Variants in NPSR1 observed in about 807,000 individuals in gnomAD.
NPSR1 encodes neuropeptide S receptor.
A neutral mutation model predicts 46.9 loss-of-function variants in NPSR1; 48 were observed. That is an observed-to-expected ratio of 1.02 (90% CI 0.81 to 1.30). NPSR1 has a LOEUF of 1.30. Ranked by LOEUF, NPSR1 falls within the 50% of genes most tolerant of loss-of-function variation. The pLI is 0.00. For synonymous variants in NPSR1, 176 were observed against 168.1 expected (o/e 1.05, Z -0.36); for missense variants, 450 against 449.5 (o/e 1.00, Z -0.01).
intron 2 of NPSR1, chr7:34,719,723 C>G (rs192123320): frequency 6.6e-6 from 1 of 152,178 alleles, no homozygotes; most frequent in Admixed American, 6.5e-5. Context: ...TTTCCATTCT[C>G]TTATGCAAAA....
intron 2 of NPSR1, among the ~76,000 whole-genome samples, chr7:34,763,112 G>A (rs902250677): frequency 2.6e-5 from 4 of 152,074 alleles, no homozygotes; most frequent in Non-Finnish European, 4.4e-5. Flanking sequence ...ATCTTGCCAG[G>A]CACTATGAAA....
At chr7:34,740,251 C>T (rs1327327648) in intron 2 of NPSR1, among the ~76,000 whole-genome samples, 1 of 152,024 alleles carries the variant, frequency 6.6e-6, no homozygotes, top group Non-Finnish European at 1.5e-5. Context: ...TCACTCCCAC[C>T]ATGCCCCGCC....
chr7:34,831,818 G>A (rs958765852), intron 5 of NPSR1, among the ~76,000 whole-genome samples: 4 of 151,946 alleles, frequency 2.6e-5, no homozygotes, highest in African/African-American at 9.7e-5. Flanking sequence ...GATAAAGATA[G>A]AAGCAGAAGA....
At chr7:34,789,326 A>G (rs892982187) in intron 3 of NPSR1, among the ~76,000 whole-genome samples, 1 of 152,088 alleles carries the variant, frequency 6.6e-6, no homozygotes, top group African/African-American at 2.4e-5. Context: ...GGAGAATAGA[A>G]AAACAATAGA....
chr7:34,870,640 G>T (rs1294633751), intron 8 of NPSR1, among the ~76,000 whole-genome samples: 1 of 151,748 alleles, frequency 6.6e-6, no homozygotes, highest in African/African-American at 2.4e-5. Context: ...TGCCAAACAG[G>T]GAAGATATGA....
In NPSR1 at chr7:34,783,815, T is replaced by A. The variant is rs79663956; in HGVS notation, c.384+5250T>A. On this transcript the variant is annotated intron_variant, in intron 3 of 8. Coordinates refer to ENST00000360581, the MANE Select transcript of NPSR1 (RefSeq NM_207172.2). ...GAGTTATAACAAGGCTAGCAGAAAA[T>A]TTCTCAGCAAAAACCTTGCAGAACA... Among the ~76,000 whole-genome samples, 438 of 151,426 alleles carry A rather than the reference T, an allele frequency of 2.9e-3. 1 individual carries two copies. The highest frequency in any genetic ancestry group is 0.01 in the African/African-American group (418 of 41,260).
chr7:34,703,293 C>T (rs999191236), intron 2 of NPSR1, among the ~76,000 whole-genome samples: 2 of 152,202 alleles, frequency 1.3e-5, no homozygotes, highest in Non-Finnish European at 2.9e-5. Flanking sequence ...ATGGCGTGAA[C>T]CCGGGAAGCG....
At chr7:34,709,673 T>C (rs1041014321) in intron 2 of NPSR1, among the ~76,000 whole-genome samples, 3 of 152,214 alleles carry the variant, frequency 2.0e-5, no homozygotes, top group Non-Finnish European at 4.4e-5. Context: ...AATTTACCAC[T>C]GATTGTTTGC....
chr7:34,689,879 A>C (rs1431034486), intron 2 of NPSR1, among the ~76,000 whole-genome samples: 1 of 151,784 alleles, frequency 6.6e-6, no homozygotes, highest in African/African-American at 2.4e-5. Context: ...CAGAAGGTCA[A>C]GGCAGCAGTG....
chr7:34,872,841 T>C (rs1281565218), intron 8 of NPSR1, among the ~76,000 whole-genome samples: 1 of 151,856 alleles, frequency 6.6e-6, no homozygotes, highest in African/African-American at 2.4e-5. Context: ...AAGATGAGAT[T>C]TGGGTGAGGA....
chr7:34,751,078 C>G (rs1785497456), intron 2 of NPSR1: 3 of 792,140 alleles, frequency 3.8e-6, no homozygotes, highest in African/African-American at 3.4e-5. Context: ...TGCCCCTTTA[C>G]CTTCACCATG....
chr7:34,763,026 A>G (rs1171011061), intron 2 of NPSR1, among the ~76,000 whole-genome samples: 1 of 152,202 alleles, frequency 6.6e-6, no homozygotes, highest in African/African-American at 2.4e-5. Context: ...TACACTAGTG[A>G]CCTTTGTGTT....
intron 4 of NPSR1, 56 bp from the exon 5 acceptor site, chr7:34,827,345 G>T: frequency 7.3e-6 from 11 of 1,496,900 alleles, no homozygotes; most frequent in Non-Finnish European, 1.0e-5. Context: ...AGACTCCATT[G>T]TGCTCCCAAA....
At chr7:34,679,330 G>A (rs1005054766) in intron 1 of NPSR1, among the ~76,000 whole-genome samples, 1 of 152,054 alleles carries the variant, frequency 6.6e-6, no homozygotes, top group Non-Finnish European at 1.5e-5. Context: ...ACTTACAGGA[G>A]AAATACTTGG....
chr7:34,849,770 C>G lies in NPSR1; in HGVS notation c.*115C>G, dbSNP rs1790881011. Reference sequence around the variant, plus strand: ...AACTTCACCCCACCCTCGTCATTACCTGGGAGATGCACAAGACAAATGTTC... The same window carrying G: ...AACTTCACCCCACCCTCGTCATTACGTGGGAGATGCACAAGACAAATGTTC... On this transcript the variant is annotated 3_prime_UTR_variant, in exon 9 of 9. Coordinates refer to ENST00000360581, the MANE Select transcript of NPSR1 (RefSeq NM_207172.2). The G allele has an allele frequency of 6.5e-7, 1 of 1,531,054 alleles. No homozygotes were observed. The highest frequency in any genetic ancestry group is 1.3e-5 in the South Asian group (1 of 78,342). 94.8% of individuals were successfully genotyped at this position (1,531,054 alleles called of 1,614,324 possible).
chr7:34,684,581 C>G lies in NPSR1; in HGVS notation c.177C>G (p.Leu59=). 6.2e-7 allele frequency: 1 copy of G among 1,613,660 alleles called. No homozygotes were observed. The highest frequency in any genetic ancestry group is 8.5e-7 in the Non-Finnish European group (1 of 1,179,832). ...AGCAATTGATAACTCTGTGGGTCCT[C>G]TTTGTTTTTACCATTGTTGGAAACT... The part of the protein sequence containing the change: ...KTEQLITLWV[L]FVFTIVGNSV... The change falls in exon 2 of 9, where the codon CTC becomes CTG. Residue 59 remains leucine, a synonymous_variant. Transcript: ENST00000360581.
At chr7:34,796,876 A>G (rs141973963) in intron 3 of NPSR1, among the ~76,000 whole-genome samples, 1 of 152,318 alleles carries the variant, frequency 6.6e-6, no homozygotes, top group East Asian at 1.9e-4. Flanking sequence ...CCTGCATACA[A>G]ACGTTTATAT....
intron 2 of NPSR1, among the ~76,000 whole-genome samples, chr7:34,758,569 CA>C (rs1785997014): frequency 6.6e-6 from 1 of 152,214 alleles, no homozygotes; most frequent in Non-Finnish European, 1.5e-5. Flanking sequence ...TCTTCCCAAC[CA>C]GGACATTTTT....
chr7:34,789,827 T>C (rs749183674), intron 3 of NPSR1, among the ~76,000 whole-genome samples: 28 of 150,674 alleles, frequency 1.9e-4, no homozygotes, highest in African/African-American at 4.4e-4. Context: ...ACTTTGAGTA[T>C]TGAAGGAATG....
Sources: gnomAD v4.1 joint callset for allele counts (sites outside exome capture counted in the v4.1 genomes callset) on GRCh38, gnomAD v4.1.1 for gene constraint, MANE v1.5 for transcripts, NCBI Gene and HGNC (gene_info 2026-07-23, HGNC 2026-07-21) for gene names.